The following SPTAN1 variants were observed in gnomAD, a reference collection of about 807,000 sequenced individuals.
SPTAN1 encodes spectrin alpha chain, non-erythrocytic 1.
SPTAN1 carries 61 observed loss-of-function variants against 331.3 expected under a neutral mutation model. The observed-to-expected ratio is 0.18, with a 90% CI of 0.15 to 0.23. The LOEUF (loss-of-function observed/expected upper bound fraction) is 0.23, where lower values mean the gene tolerates loss of function less well. SPTAN1 is among the 10% of genes least tolerant of loss of function. The pLI is 1.00. For synonymous variants in SPTAN1, 1,153 were observed against 1,173.9 expected (o/e 0.98, Z 0.36); for missense variants, 2,043 against 3,147.9 (o/e 0.65, Z 8.40).
rs539111821 is a variant in SPTAN1, at chr9:128,609,678, T to A, written c.4773+13T>A. On this transcript the variant is annotated intron_variant, in intron 37 of 56. Coordinates refer to ENST00000372739, the MANE Select transcript of SPTAN1 (RefSeq NM_001130438.3). ...TTCCAAGCTGCTGGTAAGTTTTTAA[T>A]TTTTTTAAGAGTTGTAGTTAAATGA... The A allele has an allele frequency of 2.5e-5, 37 of 1,503,668 alleles. No homozygotes were observed. The African/African-American group carries it at 5.2e-4, about 21-fold the overall frequency. 93.1% of individuals were successfully genotyped at this position (1,503,668 alleles called of 1,614,324 possible).
chr9:128,606,354 G>A (rs1292027880), intron 31 of SPTAN1, among the ~76,000 whole-genome samples: 5 of 93,744 alleles, frequency 5.3e-5, no homozygotes, highest in Admixed American at 3.6e-4. Context: ...TAGCCTGGGC[G>A]ATGGAGCAAG....
Position 128,593,226 on chromosome 9 carries a change from G to A in SPTAN1, c.3215+184G>A, listed in dbSNP as rs1014476899. The A allele has an allele frequency of 1.3e-5, 9 of 688,408 alleles. No homozygotes were observed. The African/African-American group carries it at 1.6e-4, about 12-fold the overall frequency. The allele number at this position is 688,408 out of a possible 1,614,324, so 42.6% of individuals were successfully genotyped here. ...TCGCGGTGCAGCTGTGTCGGTCGAT[G>A]ACTGCTTATCTCATTGGTTGCTTCC... On this transcript the variant is annotated intron_variant, in intron 23 of 56. Coordinates refer to ENST00000372739, the MANE Select transcript of SPTAN1 (RefSeq NM_001130438.3).
intron 24 of SPTAN1, among the ~76,000 whole-genome samples, chr9:128,596,820 G>A (rs541270442): frequency 6.6e-6 from 1 of 152,200 alleles, no homozygotes; most frequent in South Asian, 2.1e-4. Flanking sequence ...CCACCCGAGT[G>A]GCTGGGACTA....
At position 128,627,660 on chromosome 9, in the gene SPTAN1, G is replaced by C. The variant is rs564930682; in HGVS notation, c.6689+162G>C. ...GCCTGGTCGGGCTCTGGAGCCGGGA[G>C]TGGGGGCATAGGTGGAGCAGCCTCT... is the stretch of plus-strand genomic sequence containing the variant. On this transcript the variant is annotated intron_variant, in intron 50 of 56. Coordinates refer to ENST00000372739, the MANE Select transcript of SPTAN1 (RefSeq NM_001130438.3). This position sits in a 1 kb window ranked among gnomAD's most constrained non-coding sequence, Gnocchi z 4.9. 7.0e-5 allele frequency: 57 copies of C among 814,146 alleles called. 1 individual carries two copies. The South Asian group carries it at 7.7e-4, about 11-fold the overall frequency. The allele number at this position is 814,146 out of a possible 1,614,324, so 50.4% of individuals were successfully genotyped here. A position where few individuals can be genotyped will look rare whatever the true frequency, so the allele number is the denominator to read the frequency against.
chr9:128,577,018 A>C lies in SPTAN1; in HGVS notation c.785+62A>C. The C allele has an allele frequency of 3.1e-6, 5 of 1,613,976 alleles. No individual in the cohort carries two copies. The highest frequency in any genetic ancestry group is 4.2e-6 in the Non-Finnish European group (5 of 1,180,022). On this transcript the variant is annotated intron_variant, in intron 6 of 56. Transcript: ENST00000372739. This position sits in a 1 kb window ranked among gnomAD's most constrained non-coding sequence, Gnocchi z 4.2. ...AACCTGGAGGGGAGTTGTGAAGCACAGGGCATGTGCTGGTGAGCTGTCGAG... is the reference window on the plus strand; with the variant it reads ...AACCTGGAGGGGAGTTGTGAAGCACCGGGCATGTGCTGGTGAGCTGTCGAG...
chr9:128,613,422 A>G lies in SPTAN1; in HGVS notation c.5085A>G (p.Leu1695=), dbSNP rs1415568. The G allele has an allele frequency of 1, 1,610,141 of 1,614,244 alleles. 803,113 individuals are homozygous for G. The highest frequency in any genetic ancestry group is 1 in the East Asian group (44,882 of 44,882). The change falls in exon 40 of 57, where the codon CTA becomes CTG. Residue 1695 remains leucine (L), a synonymous_variant. Transcript: ENST00000372739. ...CATCCGAAGATTATGGCAAAGACCT[A>G]GCTTCTGTGAACAACCTGCTGAAAA... ...LLASEDYGKD[L]ASVNNLLKKH... is the part of the protein sequence containing the mutation.
intron 4 of SPTAN1, 133 bp downstream of exon 4, chr9:128,574,948 T>C (rs1851138248): frequency 7.3e-7 from 1 of 1,375,472 alleles, no homozygotes; most frequent in Admixed American, 1.8e-5. Context: ...GTGGGGTTGC[T>C]GTCTCTCCAG....
chr9:128,583,426 C>T (rs766238221), intron 15 of SPTAN1, 145 bp downstream of exon 15: 14 of 897,322 alleles, frequency 1.6e-5, no homozygotes, highest in Non-Finnish European at 2.5e-5. Context: ...GTAGGAATTA[C>T]TTGGCTTAAG....
intron 18 of SPTAN1, 49 bp downstream of exon 18, chr9:128,584,892 C>T (rs564955343): frequency 1.2e-6 from 2 of 1,613,028 alleles, no homozygotes; most frequent in South Asian, 2.2e-5. Context: ...CCTCGTGTCT[C>T]CCCTTCTTGC....
Position 128,605,037 on chromosome 9 carries a change from T to C in SPTAN1, c.3723T>C (p.Asp1241=). Residue 1241 remains aspartate, a synonymous_variant, in exon 30 of 57, where the codon GAT becomes GAC. Transcript: ENST00000372739. ...CCTGAATGTGTCTCGCCTTTAGAGA[T>C]GCTGATGAAACCAAAGAATGGATTG... ...SAHEVQRFHR[D]ADETKEWIEE... The C allele has an allele frequency of 6.2e-7, 1 of 1,614,114 alleles. No homozygotes were observed. Among genetic ancestry groups the C allele is most frequent in the Non-Finnish European group, 8.5e-7 (1 of 1,180,020 alleles).
intron 52 of SPTAN1, among the ~76,000 whole-genome samples, chr9:128,631,118 T>G (rs1859647615): frequency 6.6e-6 from 1 of 152,192 alleles, no homozygotes; most frequent in South Asian, 2.1e-4. Context: ...GTGCTGGGAT[T>G]ACAAGCATGA....
In SPTAN1 at chr9:128,566,723, A is replaced by G. The variant is rs1850082915; in HGVS notation, c.-3-15A>G. ...TGCCTATTGGTACTTATCTCAGCGC[A>G]TTTTGTCATTTCAGAAAATGGACCC... On this transcript the variant is annotated splice_polypyrimidine_tract_variant and intron_variant, in intron 1 of 56. Coordinates refer to ENST00000372739, the MANE Select transcript of SPTAN1 (RefSeq NM_001130438.3). 1 of 1,613,904 alleles carries G rather than the reference A, an allele frequency of 6.2e-7. No individual in the cohort carries two copies. The highest frequency in any genetic ancestry group is 8.5e-7 in the Non-Finnish European group (1 of 1,180,012).
At chr9:128,609,086 A>C in intron 35 of SPTAN1, 36 bp from the exon 36 acceptor site, 1 of 1,614,198 alleles carries the variant, frequency 6.2e-7, no homozygotes, top group East Asian at 2.2e-5. Flanking sequence ...ACGGTAAGAT[A>C]TGCTCATGTT....
In SPTAN1 at chr9:128,582,080, T is replaced by A. The variant is rs997966264; in HGVS notation, c.1572+188T>A. On this transcript the variant is annotated intron_variant, in intron 12 of 56. Coordinates refer to ENST00000372739, the MANE Select transcript of SPTAN1 (RefSeq NM_001130438.3). ...TAATACAACTTTATGGAAAAATGATTTACTTAATGGAAACCTCCAAACTTC... is the reference window on the plus strand; with the variant it reads ...TAATACAACTTTATGGAAAAATGATATACTTAATGGAAACCTCCAAACTTC... The A allele has an allele frequency of 4.8e-6, 3 of 628,440 alleles. No individual in the cohort carries two copies. In the African/African-American group the frequency reaches 5.5e-5, roughly 12 times the overall value. The allele number at this position is 628,440 out of a possible 1,614,324, so 38.9% of individuals were successfully genotyped here.
chr9:128,627,839 T>C lies in SPTAN1; in HGVS notation c.6690-86T>C. The C allele has an allele frequency of 3.3e-6, 5 of 1,513,538 alleles. No individual in the cohort carries two copies. Among genetic ancestry groups the C allele is most frequent in the Non-Finnish European group, 4.6e-6 (5 of 1,088,458 alleles). The allele number at this position is 1,513,538 out of a possible 1,614,324, so 93.8% of individuals were successfully genotyped here. On this transcript the variant is annotated intron_variant, in intron 50 of 56. Coordinates refer to ENST00000372739, the MANE Select transcript of SPTAN1 (RefSeq NM_001130438.3). This position sits in a 1 kb window ranked among gnomAD's most constrained non-coding sequence, Gnocchi z 4.9. ...GTTCTTGCTTTTGTTTTCCTTTCTTTCTTGTGTCTTCTCTCTGTCCCCCCG... is the reference window on the plus strand; with the variant it reads ...GTTCTTGCTTTTGTTTTCCTTTCTTCCTTGTGTCTTCTCTCTGTCCCCCCG...
At position 128,626,713 on chromosome 9, in the gene SPTAN1, C is replaced by G. The variant is rs1236178773; in HGVS notation, c.6576+26C>G. On this transcript the variant is annotated intron_variant, in intron 49 of 56. Coordinates refer to ENST00000372739, the MANE Select transcript of SPTAN1 (RefSeq NM_001130438.3). ...GTACACCTCCCGCTGCCCTCAGGAG[C>G]TGCTCGGCCTCCCAGAGCCCTCTCT... is the stretch of plus-strand genomic sequence containing the variant. 8 of 1,580,744 alleles carry G rather than the reference C, an allele frequency of 5.1e-6. No homozygotes were observed. In the South Asian group the frequency reaches 6.8e-5, roughly 13 times the overall value.
intron 3 of SPTAN1, among the ~76,000 whole-genome samples, chr9:128,572,376 G>A (rs1850830512): frequency 6.6e-6 from 1 of 152,168 alleles, no homozygotes; most frequent in African/African-American, 2.4e-5. Flanking sequence ...ATAATAGTAA[G>A]CCTGTGAAGC....
At chr9:128,628,522 TGGGAGGAGCCCCA>T in intron 51 of SPTAN1, 1 of 271,010 alleles carries the variant, frequency 3.7e-6, no homozygotes, top group South Asian at 3.9e-5. Flanking sequence ...AGACAGGACG[TGGGAGGAGCCCCA>T]GGGAGGAGCA....
chr9:128,589,575 CTTTT>C (rs57225212), intron 21 of SPTAN1, among the ~76,000 whole-genome samples: 13 of 106,488 alleles, frequency 1.2e-4, no homozygotes, highest in Admixed American at 2.0e-4. Context: ...CGTGCCCGGC[CTTTT>C]TTTTTTTTTT....
Sources: allele counts gnomAD v4.1 joint callset (sites outside exome capture counted in the v4.1 genomes callset), GRCh38; gene constraint gnomAD v4.1.1; non-coding constraint Gnocchi (gnomAD v3.1); transcripts MANE v1.5; gene names NCBI Gene and HGNC (gene_info 2026-07-23, HGNC 2026-07-21).